The following STXBP5 variants were observed in gnomAD, a reference collection of about 807,000 sequenced individuals.
STXBP5 encodes the protein syntaxin-binding protein 5.
Under a neutral mutation model 152.4 loss-of-function variants are expected in STXBP5, and 50 were observed. That is an observed-to-expected ratio of 0.33 (90% CI 0.26 to 0.42). The LOEUF is 0.42. Among genes scored for constraint, STXBP5 ranks in the 10% least tolerant of loss-of-function variants. The pLI, the probability that STXBP5 is intolerant of heterozygous loss-of-function variation, is 1.00. For missense variants in STXBP5, 1,167 were observed against 1,388.6 expected (o/e 0.84, Z 2.54); for synonymous variants, 492 against 494.7 (o/e 0.99, Z 0.07).
intron 25 of STXBP5, 129 bp from the exon 26 acceptor site, chr6:147,373,602 A>C: frequency 1.6e-6 from 1 of 639,420 alleles, no homozygotes; most frequent in Non-Finnish European, 2.8e-6. Flanking sequence ...TAGGACATGT[A>C]CTCATTAATT....
chr6:147,240,404 A>G (rs934969036), intron 4 of STXBP5, among the ~76,000 whole-genome samples: 1 of 152,198 alleles, frequency 6.6e-6, no homozygotes, highest in Non-Finnish European at 1.5e-5. Context: ...ATATGTATGT[A>G]TATAATATTT....
At chr6:147,311,566 T>C in intron 11 of STXBP5, 39 bp downstream of exon 11, 2 of 1,512,222 alleles carry the variant, frequency 1.3e-6, no homozygotes, top group Non-Finnish European at 1.8e-6. Context: ...TATCAGTATG[T>C]GGTTGAAAAA....
At position 147,260,533 on chromosome 6, in the gene STXBP5, A is replaced by G. The variant is rs144268230; in HGVS notation, c.432-82A>G. 5.0e-4 allele frequency: 740 copies of G among 1,493,960 alleles called. 3 individuals carry two copies. The African/African-American group carries it at 9.4e-3, about 19-fold the overall frequency. 92.5% of individuals were successfully genotyped at this position (1,493,960 alleles called of 1,614,324 possible). On this transcript the variant is annotated intron_variant, in intron 4 of 27. Transcript: ENST00000321680. Reference sequence around the variant, plus strand: ...ACCAGTTTTGCTGTTCCTGAATTATATATCATAATCAACCCTCTAATGCAA... The same window carrying G: ...ACCAGTTTTGCTGTTCCTGAATTATGTATCATAATCAACCCTCTAATGCAA...
intron 21 of STXBP5, among the ~76,000 whole-genome samples, chr6:147,344,176 A>G (rs931768876): frequency 2.6e-5 from 4 of 152,172 alleles, no homozygotes; most frequent in African/African-American, 7.2e-5. Context: ...TTTTCTGTCA[A>G]ATTTCTTAAT....
chr6:147,250,799 T>G (rs967267455), intron 4 of STXBP5, among the ~76,000 whole-genome samples: 3 of 152,094 alleles, frequency 2.0e-5, no homozygotes, highest in Non-Finnish European at 4.4e-5. Context: ...TTATATCTGT[T>G]CTTCTCCCTA....
At chr6:147,336,940 C>T (rs1358718327) in intron 19 of STXBP5, among the ~76,000 whole-genome samples, 3 of 152,092 alleles carry the variant, frequency 2.0e-5, no homozygotes, top group African/African-American at 7.2e-5. Flanking sequence ...AAGCTATCTT[C>T]AGAAATCATC....
intron 9 of STXBP5, among the ~76,000 whole-genome samples, chr6:147,299,631 A>T (rs916474389): frequency 2.0e-5 from 3 of 152,044 alleles, no homozygotes; most frequent in African/African-American, 7.2e-5. Context: ...AACACACAAC[A>T]AAAAAAGAAA....
Position 147,339,204 on chromosome 6 carries a change from T to C in STXBP5, c.2172T>C (p.Asp724=). Residue 724 remains aspartate, a synonymous_variant, in exon 20 of 28, where the codon GAT becomes GAC. Transcript: ENST00000321680. The part of the protein sequence containing the change: ...TSGSSSPHNS[D]DEQKMNNFIE... ...GTTCTTCATCACCACACAATTCAGA[T>C]GATGAACAAAAAATGAATAATTTTA... The C allele has an allele frequency of 1.9e-6, 3 of 1,540,206 alleles. No individual in the cohort carries two copies. Among genetic ancestry groups the C allele is most frequent in the Non-Finnish European group, 1.7e-6 (2 of 1,143,412 alleles).
At chr6:147,374,417 C>T (rs2128419735) in intron 26 of STXBP5, among the ~76,000 whole-genome samples, 1 of 151,688 alleles carries the variant, frequency 6.6e-6, no homozygotes, top group Non-Finnish European at 1.5e-5. Context: ...GTTTGTTTGA[C>T]TAATGGAAAA....
At position 147,389,507 on chromosome 6, in the gene STXBP5, A is replaced by C. The variant is rs540766481; in HGVS notation, c.*4752A>C. ...GTGGTCTCTTTATTTTATTCTTTAC[A>C]TCAGAAAAATCATGAATGTCAGTTT... is the stretch of plus-strand genomic sequence containing the variant. On this transcript the variant is annotated 3_prime_UTR_variant, in exon 28 of 28. Coordinates refer to ENST00000321680, the MANE Select transcript of STXBP5 (RefSeq NM_001127715.4). The C allele has an allele frequency of 6.6e-6, 1 of 151,972 alleles. No homozygotes were observed. Among genetic ancestry groups the C allele is most frequent in the South Asian group, 2.1e-4 (1 of 4,830 alleles). The allele number at this position is 151,972 out of a possible 1,614,324, so 9.4% of individuals were successfully genotyped here. A position where few individuals can be genotyped will look rare whatever the true frequency, so the allele number is the denominator to read the frequency against.
At chr6:147,272,061 C>T (rs1009655249) in intron 7 of STXBP5, among the ~76,000 whole-genome samples, 17 of 152,108 alleles carry the variant, frequency 1.1e-4, no homozygotes, top group Admixed American at 5.2e-4. Flanking sequence ...GAAGTACCGA[C>T]GCTCACTCTG....
At chr6:147,254,036 AAACTATTCTACAAGGCTAGAATAG>A (rs1779234537) in intron 4 of STXBP5, among the ~76,000 whole-genome samples, 1 of 152,230 alleles carries the variant, frequency 6.6e-6, no homozygotes, top group Non-Finnish European at 1.5e-5. Context: ...ACCTGACTTC[AAACTATTCTACAAGGCTAGAATAG>A]AACCAAAATA....
At chr6:147,367,050 A>T (rs536624393) in intron 25 of STXBP5, among the ~76,000 whole-genome samples, 7 of 152,342 alleles carry the variant, frequency 4.6e-5, no homozygotes, top group Non-Finnish European at 7.3e-5. Context: ...ATTGGCACAC[A>T]AAAGGATATT....
In STXBP5 at chr6:147,365,376, T is replaced by C. The variant is rs545747918; in HGVS notation, c.3081+1210T>C. ...ATTTCCTTTCACTAGCAAAATGTTA[T>C]GTTAAGAAATAATATTGACAATTGA... On this transcript the variant is annotated intron_variant, in intron 25 of 27. Transcript: ENST00000321680. Among the ~76,000 whole-genome samples the C allele has an allele frequency of 6.6e-5, 10 of 152,328 alleles. No homozygotes were observed. The South Asian group carries it at 1.7e-3, about 25-fold the overall frequency.
intron 21 of STXBP5, among the ~76,000 whole-genome samples, chr6:147,344,300 A>C (rs1008087915): frequency 2.2e-4 from 33 of 152,330 alleles, no homozygotes; most frequent in African/African-American, 7.7e-4. Flanking sequence ...CCTTTCTAGA[A>C]ATAAACTGTA....
intron 9 of STXBP5, among the ~76,000 whole-genome samples, chr6:147,309,231 A>G (rs966521992): frequency 6.6e-6 from 1 of 152,114 alleles, no homozygotes; most frequent in Admixed American, 6.6e-5. Context: ...AGATACACTG[A>G]CCTTAGATTA....
chr6:147,211,783 A>G (rs1160329493), intron 2 of STXBP5, among the ~76,000 whole-genome samples: 2 of 151,996 alleles, frequency 1.3e-5, no homozygotes, highest in East Asian at 1.9e-4. Flanking sequence ...GTTTCACCAT[A>G]TTGTCCAGGC....
chr6:147,236,065 C>A lies in STXBP5; in HGVS notation c.330+734C>A, dbSNP rs569215309. ...ACCCTTAGGCTCCGTGGAATAATTT[C>A]TTAAATGTATGTGAGAGAAAATAAA... On this transcript the variant is annotated intron_variant, in intron 3 of 27. Coordinates refer to ENST00000321680, the MANE Select transcript of STXBP5 (RefSeq NM_001127715.4). Among the ~76,000 whole-genome samples the A allele has an allele frequency of 6.6e-5, 10 of 152,244 alleles. 1 individual carries two copies. In the South Asian group the frequency reaches 1.9e-3, roughly 28 times the overall value.
At chr6:147,227,052 G>A (rs1214761431) in intron 2 of STXBP5, among the ~76,000 whole-genome samples, 2 of 152,276 alleles carry the variant, frequency 1.3e-5, no homozygotes, top group African/African-American at 4.8e-5. Context: ...TGGTTATGGG[G>A]AAGAGAGAGA....
Sources: allele counts gnomAD v4.1 joint callset (sites outside exome capture counted in the v4.1 genomes callset), GRCh38; gene constraint gnomAD v4.1.1; transcripts MANE v1.5; gene names NCBI Gene and HGNC (gene_info 2026-07-23, HGNC 2026-07-21).